The following SMARCA2 variants were observed in gnomAD, a reference collection of about 807,000 sequenced individuals.
SMARCA2 encodes the protein SWI/SNF-related matrix-associated actin-dependent regulator of chromatin subfamily A member 2.
SMARCA2 carries 61 observed loss-of-function variants against 199.8 expected under a neutral mutation model. That is an observed-to-expected ratio of 0.31 (90% CI 0.25 to 0.38). SMARCA2 has a LOEUF of 0.38. SMARCA2 is among the 10% of genes least tolerant of loss of function. The probability of loss-of-function intolerance (pLI) is 1.00; values close to 1 mark genes in which losing one functional copy is unlikely to be tolerated. For synonymous variants in SMARCA2, 935 were observed against 732.0 expected (o/e 1.28, Z -4.48); for missense variants, 1,344 against 2,012.2 (o/e 0.67, Z 6.35).
In SMARCA2 at chr9:2,028,757, T is replaced by G. The variant is rs10964465; in HGVS notation, c.-36-230T>G. Among the ~76,000 whole-genome samples the G allele has an allele frequency of 0.12, 18,880 of 152,218 alleles. 1,305 individuals are homozygous for G. The highest frequency in any genetic ancestry group is 0.27 in the East Asian group (1,383 of 5,162). On this transcript the variant is annotated intron_variant, in intron 1 of 33. Coordinates refer to ENST00000349721, the MANE Select transcript of SMARCA2 (RefSeq NM_003070.5). ...GTCCTTTTGTATCTTAGATGATTTA[T>G]ATTTTTCTGGGGAATCATTTAGTGT...
rs1586729410 is a variant in SMARCA2, at chr9:2,123,993, G to C, written c.3981+56G>C. The stretch of plus-strand genomic sequence containing the variant: ...TAGGTGGAGGGTTTTTGGTGGCTTG[G>C]AGAAACCAGGGGCCTAGAGCTGGGA... On this transcript the variant is annotated intron_variant, in intron 27 of 33. Coordinates refer to ENST00000349721, the MANE Select transcript of SMARCA2 (RefSeq NM_003070.5). The surrounding 1 kb of genome is among the most constrained non-coding windows in gnomAD (Gnocchi z 4.1). The C allele has an allele frequency of 1.4e-6, 2 of 1,391,564 alleles. No individual in the cohort carries two copies. The highest frequency in any genetic ancestry group is 5.0e-5 in the East Asian group (2 of 40,196). The allele number at this position is 1,391,564 out of a possible 1,614,324, so 86.2% of individuals were successfully genotyped here. A position where few individuals can be genotyped will look rare whatever the true frequency, so the allele number is the denominator to read the frequency against.
Position 2,147,847 on chromosome 9 carries a change from CA to C in SMARCA2, c.3982-13828del, listed in dbSNP as rs1404987128. 1.1e-3 allele frequency among the ~76,000 whole-genome samples: 164 copies of C among 142,752 alleles called. 2 individuals are homozygous for C. Among genetic ancestry groups the C allele is most frequent in the Middle Eastern group, 3.5e-3 (1 of 284 alleles). The allele number at this position is 142,752 out of a possible 152,430, so 93.7% of individuals were successfully genotyped here. ...TGGGTGACAGAGCCAGACTCCGTCT[CA>C]AAAAAAAAAAGTAGGGCCTCACCCA... On this transcript the variant is annotated intron_variant, in intron 27 of 33. Transcript: ENST00000349721.
intron 12 of SMARCA2, among the ~76,000 whole-genome samples, chr9:2,074,452 T>A (rs1006836501): frequency 2.0e-5 from 3 of 152,214 alleles, no homozygotes; most frequent in Admixed American, 2.0e-4. Flanking sequence ...GTCTCAAGAC[T>A]ATGGCTGTTT....
chr9:2,077,781 T>C lies in SMARCA2; in HGVS notation c.2184+5T>C. 6.2e-7 allele frequency: 1 copy of C among 1,602,116 alleles called. No individual in the cohort carries two copies. On this transcript the variant is annotated splice_donor_5th_base_variant and intron_variant, in intron 14 of 33. Transcript: ENST00000349721. ...GGGACCCTAAAGCATTACCAGGTAA[T>C]TGGCATGGTTTCAGTTTCCTTGGCA... is the stretch of plus-strand genomic sequence containing the variant.
At chr9:2,082,337 G>GTA (rs1821603653) in intron 15 of SMARCA2, among the ~76,000 whole-genome samples, 2 of 146,862 alleles carry the variant, frequency 1.4e-5, no homozygotes, top group South Asian at 4.3e-4. Flanking sequence ...GTGTGTGTGT[G>GTA]TGTGTGTGTG....
rs190280377 is a variant in SMARCA2 at position 2,191,173 on chromosome 9, G to A, written c.4595-93G>A. 6 of 1,218,044 alleles carry A rather than the reference G, an allele frequency of 4.9e-6. No homozygotes were observed. The Admixed American group carries it at 7.1e-5, about 15-fold the overall frequency. 75.5% of individuals were successfully genotyped at this position (1,218,044 alleles called of 1,614,324 possible). ...ATGTTCTGGGCACTCTGGGATGTTT[G>A]TGTTGTCTGTAGGTTGGTGATAGTC... On this transcript the variant is annotated intron_variant, in intron 32 of 33. Transcript: ENST00000349721.
intron 5 of SMARCA2, among the ~76,000 whole-genome samples, chr9:2,054,117 T>A (rs1030046365): frequency 2.0e-5 from 3 of 152,230 alleles, no homozygotes; most frequent in Non-Finnish European, 4.4e-5. Context: ...TCTTGCTCAC[T>A]GCGCTTTAAT....
rs1235097520 is a variant in SMARCA2, at chr9:2,115,290, G to C, written c.3457-532G>C. Among the ~76,000 whole-genome samples, 1 of 152,180 alleles carries C rather than the reference G, an allele frequency of 6.6e-6. No homozygotes were observed. Among genetic ancestry groups the C allele is most frequent in the Admixed American group, 6.5e-5 (1 of 15,278 alleles). On this transcript the variant is annotated intron_variant, in intron 24 of 33. Transcript: ENST00000349721. The surrounding 1 kb of genome is among the most constrained non-coding windows in gnomAD (Gnocchi z 6.0). ...TTCCCAGATTGAAGACCGAGTCTTT[G>C]ATAAGGTTAGGTTCGAGGAAATTGA...
At chr9:2,142,958 A>G (rs1217293162) in intron 27 of SMARCA2, among the ~76,000 whole-genome samples, 2 of 151,614 alleles carry the variant, frequency 1.3e-5, no homozygotes, top group African/African-American at 2.4e-5. Flanking sequence ...TTTGGAAGCA[A>G]TTTTGATTAA....
chr9:2,066,837 T>A (rs16937154), intron 9 of SMARCA2, among the ~76,000 whole-genome samples: 58,347 of 152,136 alleles, frequency 0.38, 12,743 homozygotes, highest in African/African-American at 0.6. Context: ...AGGACATTTC[T>A]TTAGGTGCTT....
rs1819927160 is a variant in SMARCA2, at chr9:2,047,606, A to C, written c.1046+122A>C. The C allele has an allele frequency of 3.5e-6, 4 of 1,154,358 alleles. No homozygotes were observed. In the South Asian group the frequency reaches 1.4e-4, roughly 41 times the overall value. 71.5% of individuals were successfully genotyped at this position (1,154,358 alleles called of 1,614,324 possible). A position where few individuals can be genotyped will look rare whatever the true frequency, so the allele number is the denominator to read the frequency against. On this transcript the variant is annotated intron_variant, in intron 5 of 33. Coordinates refer to ENST00000349721, the MANE Select transcript of SMARCA2 (RefSeq NM_003070.5). ...CTGTGATTTTCACCCGTGCGGTCGGAAAACTTTCATCCACTCCTGGGGCCT... is the reference window on the plus strand; with the variant it reads ...CTGTGATTTTCACCCGTGCGGTCGGCAAACTTTCATCCACTCCTGGGGCCT...
chr9:2,036,399 A>G (rs1237073076), intron 3 of SMARCA2, among the ~76,000 whole-genome samples: 2 of 152,166 alleles, frequency 1.3e-5, no homozygotes, highest in Non-Finnish European at 2.9e-5. Context: ...TTCCAAAAAG[A>G]GCAGAATCTG....
At chr9:2,143,226 G>C (rs971233440) in intron 27 of SMARCA2, among the ~76,000 whole-genome samples, 1 of 152,148 alleles carries the variant, frequency 6.6e-6, no homozygotes, top group Non-Finnish European at 1.5e-5. Flanking sequence ...GGAAGTATAC[G>C]AAGGCTTGGA....
At chr9:2,034,001 C>G (rs1819198097) in intron 3 of SMARCA2, among the ~76,000 whole-genome samples, 1 of 152,094 alleles carries the variant, frequency 6.6e-6, no homozygotes, top group Non-Finnish European at 1.5e-5. Context: ...AATCCCAGCG[C>G]TTTGGGAGGC....
chr9:2,087,269 A>C (rs1291071489), intron 18 of SMARCA2, 198 bp downstream of exon 18: 1 of 617,740 alleles, frequency 1.6e-6, no homozygotes, highest in Admixed American at 3.0e-5. Context: ...CTAGTGGTAC[A>C]TGGGGCATCT....
intron 27 of SMARCA2, among the ~76,000 whole-genome samples, chr9:2,147,529 C>T (rs779361837): frequency 6.6e-6 from 1 of 152,118 alleles, no homozygotes; most frequent in African/African-American, 2.4e-5. Context: ...GAAATAACAC[C>T]TATAATGTTT....
intron 22 of SMARCA2, among the ~76,000 whole-genome samples, chr9:2,102,314 CT>C (rs1822556444): frequency 6.6e-6 from 1 of 152,180 alleles, no homozygotes; most frequent in Non-Finnish European, 1.5e-5. Context: ...CCTTGCCTCT[CT>C]CTTCTCTGGG....
At chr9:2,116,562 C>T (rs10964830) in intron 25 of SMARCA2, among the ~76,000 whole-genome samples, 1 of 152,204 alleles carries the variant, frequency 6.6e-6, no homozygotes, top group African/African-American at 2.4e-5. Flanking sequence ...ACCTTAACCT[C>T]TACTTTAAAT....
In SMARCA2 at chr9:2,155,720, C is replaced by CTTTTTTTTTT. The variant is rs59156319; in HGVS notation, c.3982-5937_3982-5928dup. On this transcript the variant is annotated intron_variant, in intron 27 of 33. Coordinates refer to ENST00000349721, the MANE Select transcript of SMARCA2 (RefSeq NM_003070.5). ...TATGGCATATGGGGAAAGAGAAAAC[C>CTTTTTTTTTT]TTTTTTTTTTTTTTTTTTTTTTTTT... 2.1e-4 allele frequency among the ~76,000 whole-genome samples: 11 copies of CTTTTTTTTTT among 53,190 alleles called. 3 individuals are homozygous for CTTTTTTTTTT. Among genetic ancestry groups the CTTTTTTTTTT allele is most frequent in the East Asian group, 7.6e-4 (1 of 1,320 alleles). 34.9% of individuals were successfully genotyped at this position (53,190 alleles called of 152,430 possible).
Sources: allele counts gnomAD v4.1 joint callset (sites outside exome capture counted in the v4.1 genomes callset), GRCh38; gene constraint gnomAD v4.1.1; non-coding constraint Gnocchi (gnomAD v3.1); transcripts MANE v1.5; gene names NCBI Gene and HGNC (gene_info 2026-07-23, HGNC 2026-07-21).